The following RALGPS2 variants were observed in gnomAD, a reference collection of about 807,000 sequenced individuals.
RALGPS2 encodes the protein ras-specific guanine nucleotide-releasing factor RalGPS2.
A neutral mutation model predicts 86.8 loss-of-function variants in RALGPS2; 43 were observed. The ratio of observed to expected loss-of-function variants is 0.50; its 90% CI spans 0.39 to 0.64. The LOEUF (loss-of-function observed/expected upper bound fraction) is 0.64. Ranked by LOEUF, RALGPS2 falls within the 30% of genes least tolerant of loss-of-function variation. RALGPS2 has a pLI of 0.00. For synonymous variants in RALGPS2, 243 were observed against 231.3 expected (o/e 1.05, Z -0.46); for missense variants, 536 against 694.6 (o/e 0.77, Z 2.57).
chr1:178,903,228 CT>C (rs1363975366), intron 18 of RALGPS2, among the ~76,000 whole-genome samples: 2 of 152,160 alleles, frequency 1.3e-5, no homozygotes, highest in African/African-American at 2.4e-5. Flanking sequence ...AGATATCCCA[CT>C]TTTATGTTTC....
At chr1:178,835,543 C>T (rs989926128) in intron 8 of RALGPS2, among the ~76,000 whole-genome samples, 1 of 152,008 alleles carries the variant, frequency 6.6e-6, no homozygotes, top group East Asian at 1.9e-4. Context: ...CAGGCATGCA[C>T]CACCATGCCC....
At chr1:178,835,392 C>CCTT (rs1656224633) in intron 8 of RALGPS2, among the ~76,000 whole-genome samples, 2 of 122,056 alleles carry the variant, frequency 1.6e-5, no homozygotes, top group African/African-American at 3.0e-5. Flanking sequence ...TCTTTCTTTT[C>CCTT]TTTTTTTTTT....
At chr1:178,866,218 A>T (rs1439901478) in intron 8 of RALGPS2, among the ~76,000 whole-genome samples, 2 of 152,184 alleles carry the variant, frequency 1.3e-5, no homozygotes, top group Non-Finnish European at 2.9e-5. Context: ...GCATTAATTA[A>T]AACATTCTTG....
At chr1:178,795,097 T>C (rs1402543936) in intron 4 of RALGPS2, among the ~76,000 whole-genome samples, 10 of 151,816 alleles carry the variant, frequency 6.6e-5, no homozygotes. Flanking sequence ...CAAGAATCGC[T>C]TGAACCAGGG....
At chr1:178,747,199 A>G (rs1651387070) in intron 1 of RALGPS2, 10 of 1,233,218 alleles carry the variant, frequency 8.1e-6, no homozygotes, top group African/African-American at 4.4e-5. Context: ...TGCCTGCACT[A>G]CGGTGGATCA....
intron 1 of RALGPS2, among the ~76,000 whole-genome samples, chr1:178,766,617 A>G (rs1012886745): frequency 1.3e-5 from 2 of 152,172 alleles, no homozygotes; most frequent in Non-Finnish European, 2.9e-5. Context: ...AAGTACAGCC[A>G]TTAGCCTGAT....
At chr1:178,913,801 C>A (rs749340955) in intron 19 of RALGPS2, among the ~76,000 whole-genome samples, 1 of 152,180 alleles carries the variant, frequency 6.6e-6, no homozygotes, top group Non-Finnish European at 1.5e-5. Context: ...GGGGCTGGGA[C>A]TGGGCCCCTG....
At chr1:178,817,294 A>G (rs1655277677) in intron 6 of RALGPS2, among the ~76,000 whole-genome samples, 1 of 147,970 alleles carries the variant, frequency 6.8e-6, no homozygotes, top group Non-Finnish European at 1.5e-5. Flanking sequence ...GTGGTGAGCT[A>G]AGATCACGCC....
Position 178,919,178 on chromosome 1 carries a change from C to G in RALGPS2, c.*2819C>G, listed in dbSNP as rs1306639585. ...TTACCTCCAGACAGTAAGAATTGAACAAGAACTGATCAAACACACCTTCCT... is the reference window on the plus strand; with the variant it reads ...TTACCTCCAGACAGTAAGAATTGAAGAAGAACTGATCAAACACACCTTCCT... On this transcript the variant is annotated 3_prime_UTR_variant, in exon 20 of 20. Transcript: ENST00000367635. 1 of 152,000 alleles carries G rather than the reference C, an allele frequency of 6.6e-6. No homozygotes were observed. Among genetic ancestry groups the G allele is most frequent in the Non-Finnish European group, 1.5e-5 (1 of 67,910 alleles). The allele number at this position is 152,000 out of a possible 1,614,324, so 9.4% of individuals were successfully genotyped here. A position where few individuals can be genotyped will look rare whatever the true frequency, so the allele number is the denominator to read the frequency against.
intron 1 of RALGPS2, among the ~76,000 whole-genome samples, chr1:178,759,900 A>T (rs968534655): frequency 2.6e-5 from 4 of 152,182 alleles, no homozygotes; most frequent in Admixed American, 6.6e-5. Flanking sequence ...CACTGTTAGC[A>T]TACAGAAATG....
intron 1 of RALGPS2, among the ~76,000 whole-genome samples, chr1:178,740,452 A>T (rs1029449931): frequency 6.6e-6 from 1 of 152,230 alleles, no homozygotes; most frequent in Non-Finnish European, 1.5e-5. Context: ...TATAGAAAAC[A>T]TGGAGTTAAT....
At chr1:178,775,204 CTTA>C (rs756340200) in intron 1 of RALGPS2, among the ~76,000 whole-genome samples, 1 of 152,070 alleles carries the variant, frequency 6.6e-6, no homozygotes, top group Non-Finnish European at 1.5e-5. Flanking sequence ...GAAGTAGGTA[CTTA>C]TTATCCCTAT....
chr1:178,818,353 A>G (rs1032854710), intron 6 of RALGPS2, among the ~76,000 whole-genome samples: 8 of 152,166 alleles, frequency 5.3e-5, no homozygotes, highest in Non-Finnish European at 7.4e-5. Context: ...GAGCGAGACC[A>G]CGTCTCAAAA....
intron 1 of RALGPS2, chr1:178,753,606 T>C (rs1282025325): frequency 1.3e-5 from 2 of 152,196 alleles, no homozygotes; most frequent in East Asian, 3.8e-4. Flanking sequence ...ACTTTTTCTT[T>C]TAAAATTTAT....
intron 16 of RALGPS2, among the ~76,000 whole-genome samples, chr1:178,896,471 T>A (rs1292005331): frequency 2.0e-5 from 3 of 151,570 alleles, no homozygotes; most frequent in Admixed American, 6.6e-5. Context: ...TTTTTTCTTT[T>A]TTTTTTTTTA....
At chr1:178,806,227 G>A (rs1389578534) in intron 4 of RALGPS2, among the ~76,000 whole-genome samples, 1 of 152,220 alleles carries the variant, frequency 6.6e-6, no homozygotes, top group African/African-American at 2.4e-5. Context: ...TCTCTGAGAT[G>A]TTCATGTCTG....
intron 2 of RALGPS2, among the ~76,000 whole-genome samples, chr1:178,779,956 A>G (rs112274836): frequency 6.6e-6 from 1 of 152,116 alleles, no homozygotes; most frequent in South Asian, 2.1e-4. Context: ...CTGGTCTTGA[A>G]TTCCTGACAT....
chr1:178,779,754 A>G (rs922277883), intron 2 of RALGPS2, among the ~76,000 whole-genome samples: 2 of 152,176 alleles, frequency 1.3e-5, no homozygotes, highest in Admixed American at 6.5e-5. Context: ...GGGGTTTGAG[A>G]CAGAGTTTTG....
At chr1:178,849,699 C>T (rs1657053162) in intron 8 of RALGPS2, 1 of 152,126 alleles carries the variant, frequency 6.6e-6, no homozygotes, top group Non-Finnish European at 1.5e-5. Context: ...AAGAATAATA[C>T]CACTATGAGG....
Sources: gnomAD v4.1 joint callset for allele counts (sites outside exome capture counted in the v4.1 genomes callset) on GRCh38, gnomAD v4.1.1 for gene constraint, MANE v1.5 for transcripts, NCBI Gene and HGNC (gene_info 2026-07-23, HGNC 2026-07-21) for gene names.